Variants in FDFT1 observed in about 807,000 individuals in gnomAD.
FDFT1 encodes squalene synthase.
Under a neutral mutation model 46.8 loss-of-function variants are expected in FDFT1, and 68 were observed. The ratio of observed to expected loss-of-function variants is 1.45; its 90% confidence interval spans 1.19 to 1.78. FDFT1 has a LOEUF of 1.78. Ranked by LOEUF, FDFT1 falls within the 40% of genes most tolerant of loss-of-function variation. The pLI is 0.00. For missense variants in FDFT1, 928 were observed against 524.4 expected, an observed-to-expected ratio of 1.77 and a Z score of -7.52; for synonymous variants, 351 against 185.1, an observed-to-expected ratio of 1.90 and a Z score of -7.28.
At chr8:11,819,361 G>C (rs1032163705) in intron 3 of FDFT1, among the ~76,000 whole-genome samples, 1 of 152,140 alleles carries the variant, frequency 6.6e-6, no homozygotes, top group Non-Finnish European at 1.5e-5. Context: ...TCTTTGTGGT[G>C]TTCTCTGTAT....
At chr8:11,819,648 C>T (rs903622798) in intron 3 of FDFT1, among the ~76,000 whole-genome samples, 9 of 151,902 alleles carry the variant, frequency 5.9e-5, no homozygotes, top group Non-Finnish European at 1.2e-4. Context: ...GCTATTGAAG[C>T]TTGTTTATGC....
intron 5 of FDFT1, among the ~76,000 whole-genome samples, chr8:11,828,409 C>T (rs1279208791): frequency 6.6e-6 from 1 of 152,206 alleles, no homozygotes; most frequent in Non-Finnish European, 1.5e-5. Flanking sequence ...CTTGTCTTAC[C>T]CCTCTTTTGC....
upstream of FDFT1, chr8:11,802,549 T>G (rs750930727): frequency 1.7e-6 from 1 of 582,938 alleles, no homozygotes; most frequent in African/African-American, 1.8e-5. Context: ...TAGAGTGTTA[T>G]CACGCCAGTC....
At chr8:11,803,073 C>G in intron 1 of FDFT1, 142 bp downstream of exon 1, 2 of 1,447,314 alleles carry the variant, frequency 1.4e-6, no homozygotes, top group East Asian at 2.5e-5. Context: ...CCCCTTTCCT[C>G]GAGCCTTCCC....
upstream of FDFT1, chr8:11,802,327 T>A (rs1806207725): frequency 4.9e-6 from 2 of 408,180 alleles, no homozygotes; most frequent in Non-Finnish European, 9.9e-6. Flanking sequence ...CGTGGGCGAC[T>A]TATTGACCAA....
chr8:11,809,086 G>C (rs1585879786), intron 2 of FDFT1, 195 bp downstream of exon 2: 1 of 1,268,838 alleles, frequency 7.9e-7, no homozygotes, highest in Non-Finnish European at 1.0e-6. Context: ...GAGTCCCTGC[G>C]GGCCCAGCCT....
chr8:11,838,391 T>A lies in FDFT1; in HGVS notation c.1036T>A (p.Tyr346Asn), dbSNP rs754659198. 4 of 1,612,904 alleles carry A rather than the reference T, an allele frequency of 2.5e-6. No homozygotes were observed. Among genetic ancestry groups the A allele is most frequent in the Non-Finnish European group, 2.5e-6 (3 of 1,178,904 alleles). The change falls in exon 8 of 8, where the codon TAT (tyrosine) becomes AAT (asparagine). Residue 346 changes from tyrosine (Y) to asparagine (N), a missense_variant. Transcript: ENST00000220584. The part of the protein sequence containing the change: ...AIIYQYMEEI[Y>N]HRIPDSDPSS... Reference sequence around the variant, plus strand: ...TTTTTTCCTGTGTCTTTAACAGATTTATCATAGAATCCCCGACTCAGACCC... The same window carrying A: ...TTTTTTCCTGTGTCTTTAACAGATTAATCATAGAATCCCCGACTCAGACCC...
chr8:11,829,671 A>C (rs972045905), intron 5 of FDFT1, among the ~76,000 whole-genome samples: 3 of 152,142 alleles, frequency 2.0e-5, no homozygotes, highest in Non-Finnish European at 4.4e-5. Context: ...GCAGTGTTGC[A>C]CTAGTTGTCC....
At chr8:11,815,694 C>A (rs941643280) in intron 3 of FDFT1, among the ~76,000 whole-genome samples, 2 of 152,142 alleles carry the variant, frequency 1.3e-5, no homozygotes, top group African/African-American at 4.8e-5. Context: ...TGTTCATATC[C>A]TTTGCCCACT....
At chr8:11,808,114 A>T (rs1807102829) in intron 1 of FDFT1, 1 of 316,892 alleles carries the variant, frequency 3.2e-6, no homozygotes, top group Non-Finnish European at 4.6e-6. Context: ...AAGTTGGGGG[A>T]TTCTGGTCAA....
chr8:11,802,521 C>T (rs1179245700), upstream of FDFT1: 5 of 528,508 alleles, frequency 9.5e-6, no homozygotes, highest in African/African-American at 3.8e-5. Flanking sequence ...GCCTCTTTCT[C>T]GGCCTCCAAT....
chr8:11,800,087 C>G (rs998700315), upstream of FDFT1, among the ~76,000 whole-genome samples: 3 of 151,084 alleles, frequency 2.0e-5, no homozygotes, highest in African/African-American at 7.3e-5. Flanking sequence ...TGGTGAAACC[C>G]TGTCTCTACT....
chr8:11,831,901 T>C (rs1810855781), intron 7 of FDFT1: 1 of 434,120 alleles, frequency 2.3e-6, no homozygotes, highest in Non-Finnish European at 4.1e-6. Flanking sequence ...AGCAAGGCTG[T>C]AGGTTGGAGC....
intron 5 of FDFT1, among the ~76,000 whole-genome samples, chr8:11,829,345 T>C (rs1024468622): frequency 1.3e-5 from 2 of 152,202 alleles, no homozygotes; most frequent in African/African-American, 4.8e-5. Flanking sequence ...CTAAATAATA[T>C]CATTAAAAAT....
intron 6 of FDFT1, 147 bp from the exon 7 acceptor site, chr8:11,831,371 C>T (rs562288801): frequency 1.2e-4 from 78 of 638,038 alleles, no homozygotes; most frequent in African/African-American, 7.1e-4. Context: ...ATACTTTCTT[C>T]GTGGGTATTT....
upstream of FDFT1, chr8:11,802,368 C>T (rs1163532541): frequency 6.7e-6 from 3 of 450,784 alleles, no homozygotes; most frequent in Admixed American, 7.2e-5. Context: ...CACTGCTCTC[C>T]CGACTGCGGA....
intron 3 of FDFT1, among the ~76,000 whole-genome samples, chr8:11,814,024 G>T (rs867205651): frequency 2.6e-5 from 4 of 152,176 alleles, no homozygotes; most frequent in African/African-American, 4.8e-5. Flanking sequence ...GTCGTTGGAA[G>T]GATAGGTGAA....
chr8:11,811,101 C>G (rs1444120473), intron 3 of FDFT1, among the ~76,000 whole-genome samples: 2 of 152,186 alleles, frequency 1.3e-5, no homozygotes, highest in South Asian at 2.1e-4. Flanking sequence ...TTATACAGTA[C>G]AATTCAAGAG....
intron 1 of FDFT1, chr8:11,803,354 A>G (rs1299669502): frequency 1.5e-6 from 2 of 1,290,716 alleles, no homozygotes; most frequent in Admixed American, 4.6e-5. Context: ...TCTGGAATGA[A>G]GTCTGACTCC....
Sources: allele counts gnomAD v4.1 joint callset (sites outside exome capture counted in the v4.1 genomes callset), GRCh38; gene constraint gnomAD v4.1.1; transcripts MANE v1.5; gene names NCBI Gene and HGNC (gene_info 2026-07-23, HGNC 2026-07-21).